The following KCNN2 variants were observed in gnomAD, a reference collection of about 807,000 sequenced individuals.
KCNN2 encodes the protein small conductance calcium-activated potassium channel protein 2.
Under a neutral mutation model 55.5 loss-of-function variants are expected in KCNN2, and 24 were observed. The observed-to-expected ratio is 0.43, with a 90% CI of 0.31 to 0.61. The LOEUF (loss-of-function observed/expected upper bound fraction) is 0.61, where lower values mean the gene tolerates loss of function less well. Ranked by LOEUF, KCNN2 falls within the 20% of genes least tolerant of loss-of-function variation. The probability of loss-of-function intolerance (pLI) is 0.08; values close to 1 mark genes in which losing one functional copy is unlikely to be tolerated. For missense variants in KCNN2, 754 were observed against 853.6 expected (o/e 0.88, Z 1.45); for synonymous variants, 431 against 336.1 (o/e 1.28, Z -3.09).
chr5:114,141,775 C>T (rs1290708620), intron 1 of KCNN2, among the ~76,000 whole-genome samples: 16 of 152,194 alleles, frequency 1.1e-4, no homozygotes, highest in African/African-American at 3.6e-4. Context: ...TGTTTCTCCA[C>T]ATCCTCTCCA....
chr5:114,242,101 G>C (rs1264633521), intron 2 of KCNN2, among the ~76,000 whole-genome samples: 1 of 151,350 alleles, frequency 6.6e-6, no homozygotes, highest in Non-Finnish European at 1.5e-5. Context: ...GGTTACAGAA[G>C]AGATATCCTG....
At chr5:114,415,053 T>C (rs1359870517) in intron 3 of KCNN2, among the ~76,000 whole-genome samples, 1 of 152,236 alleles carries the variant, frequency 6.6e-6, no homozygotes, top group Non-Finnish European at 1.5e-5. Context: ...TCTGAGGCTG[T>C]CATATAAATT....
intron 1 of KCNN2, chr5:114,056,971 G>A (rs576839677): frequency 2.0e-5 from 3 of 152,352 alleles, no homozygotes; most frequent in African/African-American, 7.2e-5. Context: ...ATGAGTTATT[G>A]ATTTGGTTTT....
At chr5:114,454,998 C>T (rs1041608184) in intron 3 of KCNN2, among the ~76,000 whole-genome samples, 3 of 151,974 alleles carry the variant, frequency 2.0e-5, no homozygotes, top group Non-Finnish European at 4.4e-5. Flanking sequence ...CTCTTTTTTT[C>T]CTTTATTTCT....
intron 1 of KCNN2, among the ~76,000 whole-genome samples, chr5:114,125,469 A>G (rs1183198378): frequency 3.3e-5 from 5 of 152,208 alleles, no homozygotes; most frequent in African/African-American, 7.2e-5. Context: ...GCTCCCATGT[A>G]TATTCTAAAG....
intron 2 of KCNN2, among the ~76,000 whole-genome samples, chr5:114,241,750 ATG>A (rs1491370553): frequency 0.036 from 406 of 11,266 alleles, 81 homozygotes; most frequent in South Asian, 0.066. Flanking sequence ...ACGTATATAT[ATG>A]TATATATATA....
At chr5:114,222,651 A>C (rs951735828) in intron 2 of KCNN2, among the ~76,000 whole-genome samples, 1 of 152,202 alleles carries the variant, frequency 6.6e-6, no homozygotes, top group African/African-American at 2.4e-5. Context: ...GCACAATTTC[A>C]GCGCAGGGAA....
At chr5:114,287,295 G>C (rs1755774525) in intron 2 of KCNN2, among the ~76,000 whole-genome samples, 1 of 152,118 alleles carries the variant, frequency 6.6e-6, no homozygotes, top group Admixed American at 6.5e-5. Context: ...AAAGACACAT[G>C]CACACATGTT....
intron 3 of KCNN2, among the ~76,000 whole-genome samples, chr5:114,423,096 A>G (rs555109758): frequency 4.6e-5 from 7 of 152,310 alleles, no homozygotes; most frequent in Non-Finnish European, 8.8e-5. Context: ...TATTTTCCCA[A>G]ATTTTCATGG....
intron 1 of KCNN2, among the ~76,000 whole-genome samples, chr5:114,102,486 G>T (rs1224554982): frequency 6.6e-6 from 1 of 152,086 alleles, no homozygotes; most frequent in Admixed American, 6.6e-5. Context: ...ATTGCTTTTG[G>T]TGTTTTAGTC....
At chr5:114,110,240 C>T (rs1561479819) in intron 1 of KCNN2, among the ~76,000 whole-genome samples, 1 of 151,954 alleles carries the variant, frequency 6.6e-6, no homozygotes, top group Non-Finnish European at 1.5e-5. Context: ...GGTAACAAGC[C>T]AATACTGGGC....
chr5:114,272,004 T>C (rs1417893632), intron 2 of KCNN2, among the ~76,000 whole-genome samples: 1 of 152,206 alleles, frequency 6.6e-6, no homozygotes, highest in Non-Finnish European at 1.5e-5. Flanking sequence ...TTAGCTGTTA[T>C]ATCAGCTATT....
At chr5:114,312,997 C>G (rs1021402921) in intron 2 of KCNN2, among the ~76,000 whole-genome samples, 2 of 151,974 alleles carry the variant, frequency 1.3e-5, no homozygotes, top group African/African-American at 4.8e-5. Context: ...TATAAGCTAC[C>G]CTGCCTCTCT....
chr5:114,334,582 A>T (rs1008489960), intron 2 of KCNN2, among the ~76,000 whole-genome samples: 3 of 152,064 alleles, frequency 2.0e-5, no homozygotes, highest in Non-Finnish European at 4.4e-5. Flanking sequence ...CATGACTTTC[A>T]ACTTAAAGTC....
intron 5 of KCNN2, among the ~76,000 whole-genome samples, chr5:114,483,030 A>C (rs1372847381): frequency 6.6e-6 from 1 of 151,976 alleles, no homozygotes; most frequent in Non-Finnish European, 1.5e-5. Context: ...TGTACCCCAG[A>C]ATTTAAAATA....
chr5:114,339,842 T>TAAAC (rs1205512537), intron 2 of KCNN2, among the ~76,000 whole-genome samples: 2 of 151,448 alleles, frequency 1.3e-5, no homozygotes, highest in African/African-American at 4.9e-5. Context: ...AATAAATAAA[T>TAAAC]AAATAAAAAT....
At chr5:114,397,161 G>GACA (rs1758644881) in intron 2 of KCNN2, among the ~76,000 whole-genome samples, 1 of 152,060 alleles carries the variant, frequency 6.6e-6, no homozygotes. Flanking sequence ...CTTTGCTATT[G>GACA]TGAATACTGC....
intron 2 of KCNN2, among the ~76,000 whole-genome samples, chr5:114,373,514 T>G (rs987426683): frequency 3.3e-5 from 5 of 150,204 alleles, no homozygotes; most frequent in African/African-American, 1.2e-4. Context: ...GTGCATTCAT[T>G]CCCAGCTCTG....
rs1366987817 is a variant in KCNN2 at position 114,077,625 on chromosome 5, ATAT to A, written c.-271+21129_-271+21131del. ...CTTCCTCCTTTCACACTTCAGTATG[ATAT>A]TATAATTGTCACTAGCATCATTTGG... On this transcript the variant is annotated intron_variant, in intron 1 of 10. Transcript: ENST00000512097. Among the ~76,000 whole-genome samples the A allele has an allele frequency of 3.3e-5, 5 of 152,270 alleles. No homozygotes were observed. The South Asian group carries it at 6.2e-4, about 19-fold the overall frequency.
Sources: gnomAD v4.1 joint callset for allele counts (sites outside exome capture counted in the v4.1 genomes callset) on GRCh38, gnomAD v4.1.1 for gene constraint, MANE v1.5 for transcripts, NCBI Gene and HGNC (gene_info 2026-07-23, HGNC 2026-07-21) for gene names.